GRIK1: variants seen among roughly 807,000 people sequenced by gnomAD.
GRIK1 encodes the protein glutamate ionotropic receptor kainate type subunit 1, also known as glutamate receptor ionotropic, kainate 1.
In GRIK1, 69 loss-of-function variants were observed where a neutral mutation model predicts 105.7. The observed-to-expected ratio is 0.65, with a 90% CI of 0.54 to 0.80. The LOEUF is 0.80. GRIK1 is among the 30% of genes least tolerant of loss of function. The pLI, the probability that GRIK1 is intolerant of heterozygous loss-of-function variation, is 0.00. For synonymous variants in GRIK1, 438 were observed against 431.3 expected (o/e 1.02, Z -0.19); for missense variants, 1,109 against 1,167.3 (o/e 0.95, Z 0.73).
In GRIK1 at chr21:29,642,830, T is replaced by G; in HGVS notation, c.1094A>C (p.Lys365Thr). The change falls in exon 7 of 18, where the codon AAA (lysine) becomes ACA (threonine). Residue 365 changes from lysine (K) to threonine (T), a missense_variant. Transcript: ENST00000327783. ...RLGPRFMNLI[K>T]EARWDGLTGH... ...CTGTGAGGGAGCATCACTTGCCTCT[T>G]TGATCAGGTTCATAAATCTGGGTCC... The G allele has an allele frequency of 6.2e-7, 1 of 1,614,120 alleles. No homozygotes were observed. The highest frequency in any genetic ancestry group is 8.5e-7 in the Non-Finnish European group (1 of 1,179,950).
chr21:29,671,403 A>G (rs1427441828), intron 4 of GRIK1, among the ~76,000 whole-genome samples: 1 of 144,726 alleles, frequency 6.9e-6, no homozygotes, highest in Admixed American at 6.7e-5. Context: ...CTTTAAATAG[A>G]ATTTTTTTTT....
chr21:29,663,901 T>C (rs761396147), intron 4 of GRIK1, among the ~76,000 whole-genome samples: 4 of 152,152 alleles, frequency 2.6e-5, no homozygotes, highest in Admixed American at 6.5e-5. Context: ...AAGGAACTTG[T>C]GGCAGAGAGA....
At chr21:29,656,698 G>A (rs1204061115) in intron 4 of GRIK1, among the ~76,000 whole-genome samples, 1 of 152,186 alleles carries the variant, frequency 6.6e-6, no homozygotes, top group African/African-American at 2.4e-5. Flanking sequence ...CAAGTTATCA[G>A]CGGTTCTGGA....
chr21:29,675,893 A>C (rs2063256483), intron 3 of GRIK1, among the ~76,000 whole-genome samples: 1 of 152,144 alleles, frequency 6.6e-6, no homozygotes, highest in Non-Finnish European at 1.5e-5. Flanking sequence ...GCCCCTCCCA[A>C]CTTTAGGATT....
intron 1 of GRIK1, among the ~76,000 whole-genome samples, chr21:29,872,813 C>G (rs2069065754): frequency 6.6e-6 from 1 of 152,110 alleles, no homozygotes; most frequent in Non-Finnish European, 1.5e-5. Flanking sequence ...AGACCCACCC[C>G]CATCACTCAA....
At chr21:29,822,236 T>C (rs1291348952) in intron 1 of GRIK1, among the ~76,000 whole-genome samples, 1 of 152,072 alleles carries the variant, frequency 6.6e-6, no homozygotes, top group African/African-American at 2.4e-5. Context: ...AGACAATATG[T>C]AAACAAAATG....
chr21:29,684,371 T>C (rs926733187), intron 3 of GRIK1, among the ~76,000 whole-genome samples: 11 of 152,218 alleles, frequency 7.2e-5, no homozygotes, highest in Non-Finnish European at 1.6e-4. Flanking sequence ...TCTATCTAAT[T>C]GATCATCTAC....
intron 1 of GRIK1, among the ~76,000 whole-genome samples, chr21:29,712,374 C>G (rs1437899773): frequency 1.3e-5 from 2 of 151,896 alleles, no homozygotes; most frequent in African/African-American, 4.8e-5. Flanking sequence ...TGGTACATCT[C>G]TTTATTTCCT....
intron 1 of GRIK1, among the ~76,000 whole-genome samples, chr21:29,821,152 A>G (rs183118179): frequency 5.0e-3 from 767 of 152,134 alleles, no homozygotes; most frequent in Non-Finnish European, 8.2e-3. Flanking sequence ...CATAATATAA[A>G]TGATTGATTA....
chr21:29,578,577 C>T (rs1197389761), intron 13 of GRIK1, among the ~76,000 whole-genome samples: 3 of 152,068 alleles, frequency 2.0e-5, no homozygotes, highest in African/African-American at 7.2e-5. Context: ...GTGTTTTATT[C>T]CCTTTTAATG....
intron 1 of GRIK1, among the ~76,000 whole-genome samples, chr21:29,698,956 C>T (rs777647383): frequency 6.6e-6 from 1 of 152,070 alleles, no homozygotes; most frequent in Admixed American, 6.6e-5. Flanking sequence ...TATTAATACA[C>T]GTTCGTATTT....
chr21:29,659,064 G>A (rs982694406), intron 4 of GRIK1, among the ~76,000 whole-genome samples: 10 of 152,070 alleles, frequency 6.6e-5, no homozygotes, highest in African/African-American at 2.4e-4. Flanking sequence ...AGGAGCACAG[G>A]GCATACATTT....
intron 1 of GRIK1, among the ~76,000 whole-genome samples, chr21:29,720,556 C>A (rs2064294466): frequency 2.0e-5 from 3 of 151,924 alleles, no homozygotes; most frequent in Admixed American, 2.0e-4. Flanking sequence ...ATCTCAATGG[C>A]ATATGGAGCT....
chr21:29,634,675 A>G (rs575595211), intron 7 of GRIK1, among the ~76,000 whole-genome samples: 106 of 152,280 alleles, frequency 7.0e-4, no homozygotes, highest in Middle Eastern at 3.4e-3. Context: ...AGAGCTACGG[A>G]GTTGAAAGCA....
At chr21:29,605,656 T>G (rs1441926886) in intron 7 of GRIK1, among the ~76,000 whole-genome samples, 1 of 152,160 alleles carries the variant, frequency 6.6e-6, no homozygotes, top group African/African-American at 2.4e-5. Flanking sequence ...TTTTCCACAA[T>G]GGATGAACTA....
intron 1 of GRIK1, among the ~76,000 whole-genome samples, chr21:29,751,611 A>G (rs888557091): frequency 6.6e-6 from 1 of 152,198 alleles, no homozygotes; most frequent in African/African-American, 2.4e-5. Flanking sequence ...TGCATGCTCC[A>G]TAAGTCCTTC....
intron 1 of GRIK1, among the ~76,000 whole-genome samples, chr21:29,840,923 G>T (rs978878211): frequency 6.6e-6 from 1 of 152,092 alleles, no homozygotes; most frequent in African/African-American, 2.4e-5. Context: ...TGGAGATTTG[G>T]CTTGAAAAAT....
intron 3 of GRIK1, among the ~76,000 whole-genome samples, chr21:29,681,365 G>A (rs1326990343): frequency 3.9e-5 from 6 of 152,066 alleles, no homozygotes; most frequent in Admixed American, 6.6e-5. Context: ...TGACCTACAA[G>A]GCCCTCCTCT....
At chr21:29,929,135 C>T (rs760136806) in intron 1 of GRIK1, among the ~76,000 whole-genome samples, 9 of 152,116 alleles carry the variant, frequency 5.9e-5, no homozygotes, top group Non-Finnish European at 1.2e-4. Flanking sequence ...ATATGGAGAT[C>T]AGCAGACGCA....
Sources: allele counts gnomAD v4.1 joint callset (sites outside exome capture counted in the v4.1 genomes callset), GRCh38; gene constraint gnomAD v4.1.1; transcripts MANE v1.5; gene names NCBI Gene and HGNC (gene_info 2026-07-23, HGNC 2026-07-21).